The following SNX7 variants were observed in gnomAD, a reference collection of about 807,000 sequenced individuals.
SNX7 encodes sorting nexin-7.
In SNX7, 35 loss-of-function variants were observed where a neutral mutation model predicts 48.4. The ratio of observed to expected loss-of-function variants is 0.72; its 90% CI spans 0.55 to 0.96. The LOEUF is 0.96. Among genes scored for constraint, SNX7 ranks in the 40% least tolerant of loss-of-function variants. SNX7 has a pLI of 0.00. For synonymous variants in SNX7, 190 were observed against 190.2 expected, an observed-to-expected ratio of 1.00 and a Z score of 0.01; for missense variants, 553 against 548.9, an observed-to-expected ratio of 1.01 and a Z score of -0.07.
At chr1:98,748,937 A>C (rs904130617) in intron 8 of SNX7, among the ~76,000 whole-genome samples, 1 of 152,128 alleles carries the variant, frequency 6.6e-6, no homozygotes, top group Non-Finnish European at 1.5e-5. Context: ...TCATAGTTGC[A>C]CCTTAATAAT....
chr1:98,691,123 T>C lies in SNX7; in HGVS notation c.412T>C (p.Tyr138His), dbSNP rs1651095976. ...CAGTGAATTTGAAGTTAGGAGACGA[T>C]ATCAAGATTTCCTTTGGTTGAAGGG... ...DSSEFEVRRR[Y>H]QDFLWLKGKL... is the part of the protein sequence containing the mutation. Residue 138 changes from tyrosine (Y) to histidine (H), a missense_variant, in exon 3 of 9, where the codon TAT (tyrosine) becomes CAT (histidine). Transcript: ENST00000306121. The C allele has an allele frequency of 6.2e-7, 1 of 1,610,040 alleles. No individual in the cohort carries two copies. Among genetic ancestry groups the C allele is most frequent in the Non-Finnish European group, 8.5e-7 (1 of 1,177,716 alleles).
chr1:98,726,105 G>T (rs773786768), intron 7 of SNX7, among the ~76,000 whole-genome samples: 4 of 152,188 alleles, frequency 2.6e-5, no homozygotes, highest in Admixed American at 2.6e-4. Flanking sequence ...TCACACCAGG[G>T]TGCCGCATTT....
intron 1 of SNX7, among the ~76,000 whole-genome samples, chr1:98,671,867 A>C (rs1649884139): frequency 6.6e-6 from 1 of 152,162 alleles, no homozygotes; most frequent in South Asian, 2.1e-4. Flanking sequence ...AAATGATTTT[A>C]TATCATAGTT....
intron 7 of SNX7, among the ~76,000 whole-genome samples, chr1:98,718,515 TATA>T (rs1652703113): frequency 6.6e-6 from 1 of 152,120 alleles, no homozygotes. Context: ...TCCCGTAAGA[TATA>T]TAGTCTTCAG....
At chr1:98,684,409 G>A (rs906354274) in intron 1 of SNX7, among the ~76,000 whole-genome samples, 2 of 152,184 alleles carry the variant, frequency 1.3e-5, no homozygotes, top group Non-Finnish European at 2.9e-5. Flanking sequence ...CCTCTGGCAA[G>A]GGATGCTCTC....
chr1:98,718,057 A>T (rs915721792), intron 7 of SNX7, among the ~76,000 whole-genome samples: 5 of 152,164 alleles, frequency 3.3e-5, no homozygotes, highest in Non-Finnish European at 5.9e-5. Context: ...GGGCATGCAC[A>T]TAGGTCAGAT....
rs568412306 is a variant in SNX7 at position 98,698,758 on chromosome 1, G to A, written c.891G>A (p.Ala297=). 25 of 1,613,120 alleles carry A rather than the reference G, an allele frequency of 1.5e-5. No homozygotes were observed. The highest frequency in any genetic ancestry group is 1.3e-4 in the South Asian group (12 of 91,056). The change falls in exon 6 of 9, where the codon GCG becomes GCA. Residue 297 remains alanine, a synonymous_variant. Transcript: ENST00000306121. The stretch of plus-strand genomic sequence containing the variant: ...GCCCAATTCATATTCTGTGGTCAGC[G>A]TCAGAAGAGGATCTGGTTGATACTC... ...EYGPIHILWS[A]SEEDLVDTLK... is the part of the protein sequence containing the mutation.
At chr1:98,705,008 T>G (rs1175033285) in intron 7 of SNX7, among the ~76,000 whole-genome samples, 1 of 152,200 alleles carries the variant, frequency 6.6e-6, no homozygotes, top group Non-Finnish European at 1.5e-5. Context: ...AGGGCTCTGG[T>G]CTTTTTACCT....
chr1:98,681,053 G>C (rs545122594), intron 1 of SNX7, among the ~76,000 whole-genome samples: 2 of 152,306 alleles, frequency 1.3e-5, no homozygotes, highest in South Asian at 2.1e-4. Context: ...TATAGGAAAA[G>C]GGTTTAATGA....
At chr1:98,751,389 C>T (rs1371404170) in intron 8 of SNX7, among the ~76,000 whole-genome samples, 1 of 151,916 alleles carries the variant, frequency 6.6e-6, no homozygotes, top group African/African-American at 2.4e-5. Context: ...CTATGTATTC[C>T]ATCTGTGTGT....
chr1:98,750,669 G>A (rs1438179805), intron 8 of SNX7, among the ~76,000 whole-genome samples: 1 of 151,906 alleles, frequency 6.6e-6, no homozygotes, highest in African/African-American at 2.4e-5. Flanking sequence ...AGGTTTCAAA[G>A]CTGCTAAACG....
intron 8 of SNX7, among the ~76,000 whole-genome samples, chr1:98,749,894 G>A (rs1437913649): frequency 1.3e-5 from 2 of 151,944 alleles, no homozygotes; most frequent in African/African-American, 4.8e-5. Flanking sequence ...TCTGTGTCCA[G>A]GATCATTTGA....
intron 2 of SNX7, among the ~76,000 whole-genome samples, chr1:98,689,079 A>G (rs1185412992): frequency 2.0e-5 from 3 of 151,812 alleles, no homozygotes; most frequent in Admixed American, 6.6e-5. Context: ...TAATTTTTGT[A>G]TTTTTAGTAA....
At position 98,691,620 on chromosome 1, in the gene SNX7, A is replaced by G; in HGVS notation, c.560A>G (p.Lys187Arg). Residue 187 changes from lysine to arginine, a missense_variant, in exon 4 of 9, where the codon AAA (lysine) becomes AGA (arginine). By Grantham distance (26) the Lys-to-Arg change is conservative. Transcript: ENST00000306121. The part of the protein sequence containing the change: ...FIETRRKALH[K>R]FLNRIADHPT... ...GAGACACGCAGGAAGGCTTTACATA[A>G]ATTTTTGAACCGAATTGCTGATCAT... is the stretch of plus-strand genomic sequence containing the variant. The G allele has an allele frequency of 6.2e-7, 1 of 1,612,060 alleles. No homozygotes were observed. The highest frequency in any genetic ancestry group is 8.5e-7 in the Non-Finnish European group (1 of 1,178,828).
chr1:98,681,531 C>T (rs1194543121), intron 1 of SNX7, among the ~76,000 whole-genome samples: 2 of 152,106 alleles, frequency 1.3e-5, no homozygotes, highest in Non-Finnish European at 2.9e-5. Flanking sequence ...CTCTATCTAC[C>T]TTAAAATGGT....
intron 5 of SNX7, among the ~76,000 whole-genome samples, chr1:98,696,245 T>A (rs557108820): frequency 6.6e-6 from 1 of 152,106 alleles, no homozygotes; most frequent in African/African-American, 2.4e-5. Flanking sequence ...TTTTTTCCCC[T>A]AATTTTCTAA....
chr1:98,679,093 A>G (rs1221701403), intron 1 of SNX7, among the ~76,000 whole-genome samples: 3 of 152,156 alleles, frequency 2.0e-5, no homozygotes, highest in Admixed American at 6.5e-5. Context: ...GGCAATTTAT[A>G]TAGGAAAAAG....
chr1:98,696,017 C>T (rs1651436917), intron 5 of SNX7, among the ~76,000 whole-genome samples: 2 of 152,132 alleles, frequency 1.3e-5, no homozygotes, highest in Admixed American at 1.3e-4. Context: ...GAACAGAGCT[C>T]AGAATCAAAG....
Position 98,691,108 on chromosome 1 carries a change from G to A in SNX7, c.397G>A (p.Glu133Lys), listed in dbSNP as rs1284752534. 1 of 1,607,726 alleles carries A rather than the reference G, an allele frequency of 6.2e-7. No individual in the cohort carries two copies. Among genetic ancestry groups the A allele is most frequent in the South Asian group, 1.1e-5 (1 of 90,408 alleles). ...TGGGGAATTTGACTCCAGTGAATTT[G>A]AAGTTAGGAGACGATATCAAGATTT... ...SRGEFDSSEF[E>K]VRRRYQDFLW... is the part of the protein sequence containing the mutation. The change falls in exon 3 of 9, where the codon GAA (glutamate) becomes AAA (lysine). Residue 133 changes from glutamate to lysine, a missense_variant. Coordinates refer to ENST00000306121, the MANE Select transcript of SNX7 (RefSeq NM_015976.5).
Sources: allele counts gnomAD v4.1 joint callset (sites outside exome capture counted in the v4.1 genomes callset), GRCh38; gene constraint gnomAD v4.1.1; transcripts MANE v1.5; gene names NCBI Gene and HGNC (gene_info 2026-07-23, HGNC 2026-07-21).